ZNF236: variants seen among roughly 807,000 people sequenced by gnomAD.
ZNF236 encodes the protein regulated by glucose.
In ZNF236, 50 loss-of-function variants were observed where a neutral mutation model predicts 191.2. That is an observed-to-expected ratio of 0.26 (90% CI 0.21 to 0.33). The LOEUF (loss-of-function observed/expected upper bound fraction) is 0.33, where lower values mean the gene tolerates loss of function less well. Ranked by LOEUF, ZNF236 falls within the 10% of genes least tolerant of loss-of-function variation. The probability of loss-of-function intolerance (pLI) is 1.00; values close to 1 mark genes in which losing one functional copy is unlikely to be tolerated. For synonymous variants in ZNF236, 907 were observed against 928.8 expected, an observed-to-expected ratio of 0.98 and a Z score of 0.43; for missense variants, 1,754 against 2,374.5, an observed-to-expected ratio of 0.74 and a Z score of 5.43.
At chr18:76,837,707 C>CT (rs1975378331) in intron 1 of ZNF236, among the ~76,000 whole-genome samples, 1 of 152,164 alleles carries the variant, frequency 6.6e-6, no homozygotes, top group Non-Finnish European at 1.5e-5. Context: ...TCCCAAAGTG[C>CT]TGGGATTACA....
chr18:76,925,333 A>G lies in ZNF236; in HGVS notation c.3806A>G (p.Lys1269Arg), dbSNP rs1568232990. The change falls in exon 22 of 31, where the codon AAG becomes AGG. Residue 1269 changes from lysine to arginine, a missense_variant. Around this residue, in one of 5 missense-constraint regions of ZNF236, gnomAD observed 606 missense variants for 761.5 expected, o/e 0.80. Transcript: ENST00000320610. The surrounding 1 kb of genome is among the most constrained non-coding windows in gnomAD (Gnocchi z 5.7). ...CGTTTCCGTACCTCGGGTAGAAGAAAGACACACATGCAGTTTCATTATAAA... is the reference window on the plus strand; with the variant it reads ...CGTTTCCGTACCTCGGGTAGAAGAAGGACACACATGCAGTTTCATTATAAA... ...ELRFRTSGRR[K>R]THMQFHYKPD... The G allele has an allele frequency of 6.2e-7, 1 of 1,614,214 alleles. No homozygotes were observed.
chr18:76,840,856 T>A (rs549364581), intron 1 of ZNF236: 9 of 150,084 alleles, frequency 6.0e-5, no homozygotes, highest in African/African-American at 2.2e-4. Flanking sequence ...AGTCTCGCTC[T>A]ATCGCCCAGG....
At position 76,935,876 on chromosome 18, in the gene ZNF236, T is replaced by C. The variant is rs1967979249; in HGVS notation, c.4595-1280T>C. ...GGCTCCCACCAGCACTCTGTGCGGATGCTGGAGCAGGCGGGAGGGTCTGAC... is the reference window on the plus strand; with the variant it reads ...GGCTCCCACCAGCACTCTGTGCGGACGCTGGAGCAGGCGGGAGGGTCTGAC... On this transcript the variant is annotated intron_variant, in intron 25 of 30. Coordinates refer to ENST00000320610, the MANE Select transcript of ZNF236 (RefSeq NM_001306089.2). 9.1e-6 allele frequency: 4 copies of C among 437,884 alleles called. 1 individual carries two copies. The highest frequency in any genetic ancestry group is 2.4e-5 in the Admixed American group (1 of 41,118). The allele number at this position is 437,884 out of a possible 1,614,324, so 27.1% of individuals were successfully genotyped here.
intron 13 of ZNF236, among the ~76,000 whole-genome samples, chr18:76,906,105 C>T (rs181994150): frequency 2.0e-5 from 3 of 152,296 alleles, no homozygotes; most frequent in African/African-American, 7.2e-5. Context: ...TGCTTTGAGA[C>T]AGCATTTTAA....
Position 76,960,837 on chromosome 18 carries a change from C to T in ZNF236, c.5401C>T (p.Arg1801Trp), listed in dbSNP as rs757684548. The T allele has an allele frequency of 3.1e-6, 5 of 1,613,242 alleles. No homozygotes were observed. The highest frequency in any genetic ancestry group is 2.2e-5 in the East Asian group (1 of 44,848). The change falls in exon 30 of 31, where the codon CGG becomes TGG. Residue 1801 changes from arginine to tryptophan, a missense_variant. By Grantham distance (101) the Arg-to-Trp change is moderately radical. Around this residue, in one of 5 missense-constraint regions of ZNF236, gnomAD observed 606 missense variants for 761.5 expected, o/e 0.80. Transcript: ENST00000320610. The surrounding 1 kb of genome is among the most constrained non-coding windows in gnomAD (Gnocchi z 4.4). ...QKSNMKLHMKRAHSYAGALQE... is the reference protein window; with the variant it reads ...QKSNMKLHMKWAHSYAGALQE... ...GAGCAACATGAAGCTGCACATGAAGCGGGCGCACAGCTATGCTGGTGAGAA... is the reference window on the plus strand; with the variant it reads ...GAGCAACATGAAGCTGCACATGAAGTGGGCGCACAGCTATGCTGGTGAGAA...
intron 19 of ZNF236, among the ~76,000 whole-genome samples, chr18:76,918,668 C>T (rs997072655): frequency 1.3e-5 from 2 of 151,996 alleles, no homozygotes; most frequent in African/African-American, 2.4e-5. Context: ...CCAAGCCCCA[C>T]CTTGGCCTCC....
intron 21 of ZNF236, among the ~76,000 whole-genome samples, chr18:76,924,037 C>G (rs1406738278): frequency 6.6e-6 from 1 of 152,138 alleles, no homozygotes; most frequent in Admixed American, 6.5e-5. Context: ...AATGGACTTT[C>G]ACACATTTAC....
rs1568254478 is a variant in ZNF236, at chr18:76,972,575, G to C, written c.*4236G>C. 6.6e-6 allele frequency among the ~76,000 whole-genome samples: 1 copy of C among 152,152 alleles called. No homozygotes were observed. The highest frequency in any genetic ancestry group is 2.4e-5 in the African/African-American group (1 of 41,418). On this transcript the variant is annotated 3_prime_UTR_variant, in exon 31 of 31. Coordinates refer to ENST00000320610, the MANE Select transcript of ZNF236 (RefSeq NM_001306089.2). ...TTAGTATGAATGGCAGGAGCAACAG[G>C]CAGTCAGAAGAGATTTTTCTATTTA... is the stretch of plus-strand genomic sequence containing the variant.
chr18:76,882,140 T>C (rs959845772), intron 9 of ZNF236, among the ~76,000 whole-genome samples: 8 of 152,346 alleles, frequency 5.3e-5, no homozygotes, highest in Non-Finnish European at 5.9e-5. Context: ...TAGGCATCCC[T>C]GTGTTTCTGC....
chr18:76,877,329 C>G (rs1472815981), intron 6 of ZNF236, among the ~76,000 whole-genome samples: 3 of 151,856 alleles, frequency 2.0e-5, no homozygotes, highest in South Asian at 2.1e-4. Flanking sequence ...GCCAACATGG[C>G]AAAACCCCAT....
chr18:76,927,825 GA>G lies in ZNF236; in HGVS notation c.4415-99del. On this transcript the variant is annotated intron_variant, in intron 24 of 30. Transcript: ENST00000320610. This position sits in a 1 kb window ranked among gnomAD's most constrained non-coding sequence, Gnocchi z 5.4. ...CTTTGTTTTAAATCTTTGTCTTATT[GA>G]AATATGTAATAACAGTTTAATTAAA... The G allele has an allele frequency of 1.1e-6, 1 of 936,358 alleles. No homozygotes were observed. The highest frequency in any genetic ancestry group is 2.8e-5 in the East Asian group (1 of 35,638). The allele number at this position is 936,358 out of a possible 1,614,324, so 58.0% of individuals were successfully genotyped here.
intron 16 of ZNF236, among the ~76,000 whole-genome samples, chr18:76,911,631 A>T (rs1967220298): frequency 6.6e-6 from 1 of 152,176 alleles, no homozygotes; most frequent in African/African-American, 2.4e-5. Flanking sequence ...GGATGACTCT[A>T]CTGTTCGCAG....
intron 26 of ZNF236, among the ~76,000 whole-genome samples, chr18:76,946,366 T>G (rs1458005508): frequency 2.0e-5 from 3 of 152,212 alleles, no homozygotes; most frequent in African/African-American, 4.8e-5. Flanking sequence ...CAATTAAACC[T>G]CTTTCTTTTG....
At chr18:76,867,158 G>A (rs187210413) in intron 3 of ZNF236, among the ~76,000 whole-genome samples, 1 of 152,190 alleles carries the variant, frequency 6.6e-6, no homozygotes, top group Non-Finnish European at 1.5e-5. Context: ...TTTGAGACAG[G>A]AGGCATAGTG....
intron 17 of ZNF236, 73 bp downstream of exon 17, chr18:76,912,420 C>A: frequency 9.8e-7 from 1 of 1,019,618 alleles, no homozygotes; most frequent in Non-Finnish European, 1.5e-6. Context: ...GTTTGCCCCG[C>A]TCCAAGGGCT....
At chr18:76,847,017 T>C (rs529597061) in intron 1 of ZNF236, among the ~76,000 whole-genome samples, 3 of 152,278 alleles carry the variant, frequency 2.0e-5, no homozygotes, top group African/African-American at 7.2e-5. Flanking sequence ...GGTCTCAAAC[T>C]CCTGACCTCT....
At chr18:76,853,032 C>G (rs1205795072) in intron 3 of ZNF236, among the ~76,000 whole-genome samples, 1 of 151,826 alleles carries the variant, frequency 6.6e-6, no homozygotes, top group Non-Finnish European at 1.5e-5. Flanking sequence ...AATCAGGGAG[C>G]ACCTTTATAA....
intron 26 of ZNF236, among the ~76,000 whole-genome samples, chr18:76,945,748 C>T (rs1968244258): frequency 6.6e-6 from 1 of 152,218 alleles, no homozygotes; most frequent in Admixed American, 6.5e-5. Context: ...TAAGCCACTG[C>T]ACTCCAGCCT....
At chr18:76,923,459 C>T (rs933461968) in intron 21 of ZNF236, among the ~76,000 whole-genome samples, 2 of 152,206 alleles carry the variant, frequency 1.3e-5, no homozygotes, top group Non-Finnish European at 2.9e-5. Context: ...AAGATTACCT[C>T]TTAGTCTCAT....
Sources: gnomAD v4.1 joint callset for allele counts (sites outside exome capture counted in the v4.1 genomes callset) on GRCh38, gnomAD v4.1.1 for gene constraint, gnomAD v4.1.1 regional missense constraint, Gnocchi (gnomAD v3.1) non-coding constraint, MANE v1.5 for transcripts, NCBI Gene and HGNC (gene_info 2026-07-23, HGNC 2026-07-21) for gene names.